CNBD1: variants seen among roughly 807,000 people sequenced by gnomAD.
CNBD1 encodes the protein cyclic nucleotide-binding domain-containing protein 1.
Under a neutral mutation model 54.4 loss-of-function variants are expected in CNBD1, and 71 were observed. That is an observed-to-expected ratio of 1.30 (90% CI 1.08 to 1.59). The LOEUF is 1.59. Ranked by LOEUF, CNBD1 falls within the 40% of genes most tolerant of loss-of-function variation. CNBD1 has a pLI of 0.00. For missense variants in CNBD1, 659 were observed against 518.0 expected (o/e 1.27, Z -2.64); for synonymous variants, 182 against 170.7 (o/e 1.07, Z -0.51).
At chr8:86,994,824 G>A (rs1206046499) in intron 4 of CNBD1, among the ~76,000 whole-genome samples, 1 of 152,128 alleles carries the variant, frequency 6.6e-6, no homozygotes, top group African/African-American at 2.4e-5. Flanking sequence ...CACTCTCAGT[G>A]GGAGTGGCAC....
chr8:86,891,250 G>T (rs1398031198), intron 2 of CNBD1, among the ~76,000 whole-genome samples: 2 of 151,982 alleles, frequency 1.3e-5, no homozygotes, highest in Non-Finnish European at 2.9e-5. Context: ...TAATCATTTT[G>T]AGTTTATTTT....
At chr8:86,898,912 C>T (rs1392498953) in intron 2 of CNBD1, among the ~76,000 whole-genome samples, 3 of 151,966 alleles carry the variant, frequency 2.0e-5, no homozygotes, top group Non-Finnish European at 4.4e-5. Flanking sequence ...CAAACCTGCA[C>T]GTGTACCCCT....
intron 4 of CNBD1, among the ~76,000 whole-genome samples, chr8:87,042,610 C>A (rs1460149536): frequency 6.6e-6 from 1 of 151,970 alleles, no homozygotes; most frequent in Non-Finnish European, 1.5e-5. Flanking sequence ...CAGCAAGACC[C>A]CTTTTGGAGA....
chr8:86,957,792 T>A (rs1471711027), intron 4 of CNBD1, among the ~76,000 whole-genome samples: 2 of 152,130 alleles, frequency 1.3e-5, no homozygotes, highest in Non-Finnish European at 2.9e-5. Context: ...TCTGGGTTCA[T>A]CGATTTTTTG....
intron 4 of CNBD1, among the ~76,000 whole-genome samples, chr8:86,994,927 G>A (rs1051500289): frequency 2.0e-5 from 3 of 152,132 alleles, no homozygotes; most frequent in African/African-American, 4.8e-5. Flanking sequence ...TGTGTGCTAC[G>A]TATGGGTCAA....
At chr8:87,044,212 G>GA (rs1563447380) in intron 4 of CNBD1, among the ~76,000 whole-genome samples, 1 of 144,840 alleles carries the variant, frequency 6.9e-6, no homozygotes, top group Non-Finnish European at 1.5e-5. Context: ...GTTTTTGTGG[G>GA]TTTTTTTTTT....
chr8:87,273,173 C>A (rs1051666903), intron 6 of CNBD1, among the ~76,000 whole-genome samples: 2 of 151,862 alleles, frequency 1.3e-5, no homozygotes, highest in African/African-American at 4.8e-5. Flanking sequence ...TACAGAGAAC[C>A]AATAATGTTT....
At chr8:86,975,864 C>A (rs1467168743) in intron 4 of CNBD1, among the ~76,000 whole-genome samples, 1 of 152,004 alleles carries the variant, frequency 6.6e-6, no homozygotes, top group Admixed American at 6.6e-5. Context: ...AAGGAGTTCT[C>A]TTTTCTCCCC....
chr8:87,351,920 G>A (rs28629293), intron 9 of CNBD1, 126 bp downstream of exon 9: 5 of 1,019,118 alleles, frequency 4.9e-6, no homozygotes, highest in Non-Finnish European at 5.1e-6. Context: ...TCAATTTTTT[G>A]AAATTTTTGT....
intron 8 of CNBD1, among the ~76,000 whole-genome samples, chr8:87,302,840 C>T (rs1365768632): frequency 2.6e-5 from 4 of 151,930 alleles, no homozygotes; most frequent in African/African-American, 4.8e-5. Flanking sequence ...TATACACCAG[C>T]AACAGACAAA....
Position 86,999,540 on chromosome 8 carries a change from T to TAA in CNBD1, c.431+59800_431+59801dup, listed in dbSNP as rs35631389. On this transcript the variant is annotated intron_variant, in intron 4 of 10. Transcript: ENST00000518476. ...GAAAGAACACCCACTCTGTGGTATT[T>TAA]AAAAAAAAAAAAAAAGTCTTTTATT... Among the ~76,000 whole-genome samples, 733 of 140,828 alleles carry TAA rather than the reference T, an allele frequency of 5.2e-3. 8 individuals are homozygous for TAA. Among genetic ancestry groups the TAA allele is most frequent in the African/African-American group, 0.018 (695 of 38,850 alleles). 92.4% of individuals were successfully genotyped at this position (140,828 alleles called of 152,430 possible). A position where few individuals can be genotyped will look rare whatever the true frequency, so the allele number is the denominator to read the frequency against.
intron 6 of CNBD1, among the ~76,000 whole-genome samples, chr8:87,263,600 C>T (rs79047689): frequency 8.6e-5 from 13 of 152,028 alleles, no homozygotes; most frequent in Middle Eastern, 6.8e-3. Flanking sequence ...TGACATCCAA[C>T]GAACACAGTT....
intron 8 of CNBD1, among the ~76,000 whole-genome samples, chr8:87,332,173 C>A (rs969911633): frequency 1.3e-5 from 2 of 152,006 alleles, no homozygotes; most frequent in East Asian, 1.9e-4. Context: ...CATGGGGAAA[C>A]CCCGTCTCTA....
At chr8:87,050,815 A>G (rs1198986201) in intron 4 of CNBD1, among the ~76,000 whole-genome samples, 1 of 152,188 alleles carries the variant, frequency 6.6e-6, no homozygotes, top group Non-Finnish European at 1.5e-5. Flanking sequence ...TGGATGTTGC[A>G]GGGGCTGTTG....
At chr8:86,962,037 G>A (rs1388037316) in intron 4 of CNBD1, among the ~76,000 whole-genome samples, 1 of 152,192 alleles carries the variant, frequency 6.6e-6, no homozygotes, top group East Asian at 1.9e-4. Flanking sequence ...GGAATAGCTG[G>A]AAGACAAGAA....
At chr8:87,083,536 C>G (rs1038195460) in intron 4 of CNBD1, among the ~76,000 whole-genome samples, 1 of 151,958 alleles carries the variant, frequency 6.6e-6, no homozygotes, top group Non-Finnish European at 1.5e-5. Flanking sequence ...AGCCTGGACT[C>G]CCCACCCTCT....
At chr8:87,384,005 A>T (rs1811138920), downstream of CNBD1, among the ~76,000 whole-genome samples, 1 of 152,056 alleles carries the variant, frequency 6.6e-6, no homozygotes, top group East Asian at 1.9e-4. Flanking sequence ...AGTATTTTTG[A>T]CTTGTTGAAA....
chr8:87,276,530 G>A (rs1451733648), intron 6 of CNBD1, among the ~76,000 whole-genome samples: 2 of 151,776 alleles, frequency 1.3e-5, no homozygotes. Context: ...CAACAGAAAT[G>A]GAGAAACGGA....
chr8:87,414,333 G>T (rs1257706448), intron 2 of CNBD1, among the ~76,000 whole-genome samples: 3 of 152,072 alleles, frequency 2.0e-5, no homozygotes, highest in Non-Finnish European at 4.4e-5. Context: ...GAGAACCCAT[G>T]GACACAGGAA....
Sources: allele counts gnomAD v4.1 joint callset (sites outside exome capture counted in the v4.1 genomes callset), GRCh38; gene constraint gnomAD v4.1.1; transcripts MANE v1.5; gene names NCBI Gene and HGNC (gene_info 2026-07-23, HGNC 2026-07-21).